Variants in LEPR observed in about 807,000 individuals in gnomAD.
LEPR encodes OB receptor.
LEPR carries 56 observed loss-of-function variants against 114.7 expected under a neutral mutation model. The observed-to-expected ratio is 0.49, with a 90% CI of 0.39 to 0.61. The LOEUF is 0.61. Ranked by LOEUF, LEPR falls within the 20% of genes least tolerant of loss-of-function variation. The pLI is 0.00. For synonymous variants in LEPR, 443 were observed against 461.4 expected, an observed-to-expected ratio of 0.96 and a Z score of 0.51; for missense variants, 1,202 against 1,352.9, an observed-to-expected ratio of 0.89 and a Z score of 1.75.
chr1:65,468,874 C>A (rs1263893963), intron 2 of LEPR, among the ~76,000 whole-genome samples: 1 of 152,198 alleles, frequency 6.6e-6, no homozygotes, highest in Non-Finnish European at 1.5e-5. Flanking sequence ...GTGCTGGGAG[C>A]TATGCTTAAT....
intron 5 of LEPR, chr1:65,577,598 C>T (rs950279633): frequency 2.8e-5 from 5 of 177,354 alleles, no homozygotes; most frequent in African/African-American, 7.3e-5. Flanking sequence ...TCTGATAGCC[C>T]GTCTCTCAAC....
At chr1:65,568,073 C>T (rs917197097) in intron 3 of LEPR, among the ~76,000 whole-genome samples, 3 of 152,120 alleles carry the variant, frequency 2.0e-5, no homozygotes, top group Non-Finnish European at 4.4e-5. Context: ...CCTATTCCTC[C>T]CTCCTTCTTA....
chr1:65,533,759 T>C (rs898799008), intron 2 of LEPR, among the ~76,000 whole-genome samples: 1 of 152,162 alleles, frequency 6.6e-6, no homozygotes, highest in Non-Finnish European at 1.5e-5. Context: ...AGTTATTAAC[T>C]TAAAAGTATT....
chr1:65,464,450 C>T (rs1387607661), intron 2 of LEPR, among the ~76,000 whole-genome samples: 26 of 152,144 alleles, frequency 1.7e-4, no homozygotes, highest in Non-Finnish European at 7.4e-5. Flanking sequence ...AGGATTTTTG[C>T]GTTGATGTTC....
At chr1:65,602,563 ATG>A (rs1224338218) in intron 10 of LEPR, among the ~76,000 whole-genome samples, 1 of 152,056 alleles carries the variant, frequency 6.6e-6, no homozygotes, top group Non-Finnish European at 1.5e-5. Context: ...TTTATCTAAA[ATG>A]ATACAACCCT....
intron 19 of LEPR, among the ~76,000 whole-genome samples, chr1:65,628,993 C>A (rs569061742): frequency 5.3e-5 from 8 of 152,018 alleles, no homozygotes; most frequent in Non-Finnish European, 8.8e-5. Context: ...GGTATGTCAC[C>A]TTTTTATTTC....
chr1:65,572,232 G>T, intron 4 of LEPR, 94 bp from the exon 5 acceptor site: 1 of 1,392,414 alleles, frequency 7.2e-7, no homozygotes, highest in South Asian at 1.5e-5. Flanking sequence ...TGGTAAATTT[G>T]ATTTAGCTCT....
At position 65,601,926 on chromosome 1, in the gene LEPR, C is replaced by G; in HGVS notation, c.1369C>G (p.Leu457Val). The change falls in exon 10 of 20, where the codon CTT becomes GTT. Residue 457 changes from leucine (L) to valine (V), a missense_variant. Leu to Val is a conservative substitution (Grantham distance 32). Transcript: ENST00000349533. ...CRWSTSTIQSLAESTLQLRYH... is the reference protein window; with the variant it reads ...CRWSTSTIQSVAESTLQLRYH... ...ATGGTCAACCAGTACAATCCAGTCA[C>G]TTGCGGAAAGCACTTTGCAATTGAG... 1 of 1,613,664 alleles carries G rather than the reference C, an allele frequency of 6.2e-7. No individual in the cohort carries two copies. Among genetic ancestry groups the G allele is most frequent in the Non-Finnish European group, 8.5e-7 (1 of 1,179,666 alleles).
chr1:65,592,571 T>G, intron 5 of LEPR, 86 bp from the exon 6 acceptor site: 1 of 1,457,594 alleles, frequency 6.9e-7, no homozygotes, highest in Non-Finnish European at 9.5e-7. Flanking sequence ...ATAGTTTACT[T>G]CAATTAGTAT....
intron 2 of LEPR, chr1:65,430,392 T>C (rs1280803132): frequency 5.9e-6 from 1 of 168,522 alleles, no homozygotes; most frequent in Non-Finnish European, 1.3e-5. Flanking sequence ...GATGAAGATA[T>C]TTCAAATTCT....
rs1338109394 is a variant in LEPR, at chr1:65,640,276, C to T, written c.*3261C>T. 1 of 152,150 alleles carries T rather than the reference C, an allele frequency of 6.6e-6. No homozygotes were observed. Among genetic ancestry groups the T allele is most frequent in the Non-Finnish European group, 1.5e-5 (1 of 68,028 alleles). The allele number at this position is 152,150 out of a possible 1,614,324, so 9.4% of individuals were successfully genotyped here. The stretch of plus-strand genomic sequence containing the variant: ...GCTGATGGATCAAGACATACTGCAA[C>T]CACAAAGTTCCATCTCACTTAGATG... On this transcript the variant is annotated 3_prime_UTR_variant, in exon 20 of 20. Coordinates refer to ENST00000349533, the MANE Select transcript of LEPR (RefSeq NM_002303.6).
At chr1:65,635,613 A>G (rs909825278) in intron 19 of LEPR, among the ~76,000 whole-genome samples, 2 of 152,248 alleles carry the variant, frequency 1.3e-5, no homozygotes, top group South Asian at 4.1e-4. Context: ...TACAGCAGAT[A>G]AGTTTTTAAT....
chr1:65,472,506 GA>G (rs1209226378), intron 2 of LEPR, among the ~76,000 whole-genome samples: 1 of 145,648 alleles, frequency 6.9e-6, no homozygotes, highest in Non-Finnish European at 1.5e-5. Flanking sequence ...GGTAAATGGT[GA>G]ATGAAGTAGA....
chr1:65,527,902 A>C (rs1650086168), intron 2 of LEPR, among the ~76,000 whole-genome samples: 1 of 152,178 alleles, frequency 6.6e-6, no homozygotes, highest in South Asian at 2.1e-4. Flanking sequence ...CTGGTTGCTA[A>C]GTCATTTGGA....
In LEPR at chr1:65,505,796, C is replaced by T. The variant is rs1370719561; in HGVS notation, c.-20-59750C>T. The stretch of plus-strand genomic sequence containing the variant: ...CTTTACTAATATCTCTGTAAATTGT[C>T]TCTTTACTGAAATATTTTAACTTTT... On this transcript the variant is annotated intron_variant, in intron 2 of 19. Coordinates refer to ENST00000349533, the MANE Select transcript of LEPR (RefSeq NM_002303.6). 6.1e-5 allele frequency among the ~76,000 whole-genome samples: 9 copies of T among 148,550 alleles called. No homozygotes were observed. The Admixed American group carries it at 6.1e-4, about 10-fold the overall frequency.
At chr1:65,468,787 A>C (rs539198745) in intron 2 of LEPR, among the ~76,000 whole-genome samples, 1 of 152,228 alleles carries the variant, frequency 6.6e-6, no homozygotes, top group African/African-American at 2.4e-5. Flanking sequence ...CATTGTGTAC[A>C]TGCAAACTCA....
intron 5 of LEPR, among the ~76,000 whole-genome samples, chr1:65,591,199 A>T (rs1655672463): frequency 2.6e-5 from 4 of 152,024 alleles, no homozygotes; most frequent in Admixed American, 6.6e-5. Flanking sequence ...TTTTTGTGTG[A>T]CTGGAATCCT....
chr1:65,522,080 A>G (rs548774696), intron 2 of LEPR, among the ~76,000 whole-genome samples: 1 of 152,324 alleles, frequency 6.6e-6, no homozygotes, highest in East Asian at 1.9e-4. Context: ...TTATTATTTT[A>G]TACTGAAAAA....
At chr1:65,601,326 G>C in intron 8 of LEPR, 66 bp from the exon 9 acceptor site, 2 of 1,566,032 alleles carry the variant, frequency 1.3e-6, no homozygotes, top group Non-Finnish European at 1.7e-6. Flanking sequence ...AATATTTTTC[G>C]ATGTGGTACA....
Sources: allele counts gnomAD v4.1 joint callset (sites outside exome capture counted in the v4.1 genomes callset), GRCh38; gene constraint gnomAD v4.1.1; transcripts MANE v1.5; gene names NCBI Gene and HGNC (gene_info 2026-07-23, HGNC 2026-07-21).